AK8: variants seen among roughly 807,000 people sequenced by gnomAD.
AK8 encodes the protein adenylate kinase 8.
AK8 carries 44 observed loss-of-function variants against 54.6 expected under a neutral mutation model. The observed-to-expected ratio is 0.81, with a 90% CI of 0.63 to 1.04. The LOEUF is 1.04. AK8 is among the 50% of genes least tolerant of loss of function. The pLI, the probability that AK8 is intolerant of heterozygous loss-of-function variation, is 0.00. For missense variants in AK8, 555 were observed against 613.6 expected (o/e 0.90, Z 1.01); for synonymous variants, 239 against 245.6 (o/e 0.97, Z 0.25).
Position 132,772,987 on chromosome 9 carries a change from A to G in AK8, c.1121+19647T>C, listed in dbSNP as rs1372544612. 2.0e-5 allele frequency among the ~76,000 whole-genome samples: 3 copies of G among 151,976 alleles called. No individual in the cohort carries two copies. The East Asian group carries it at 5.8e-4, about 29-fold the overall frequency. On this transcript the variant is annotated intron_variant, in intron 11 of 12. Transcript: ENST00000298545. ...CCTGCCTACAGCCCTTTCTCCACCC[A>G]CTAGGTATCTTTTTACAACATCAGC...
At chr9:132,812,960 C>T (rs1841135850) in intron 10 of AK8, among the ~76,000 whole-genome samples, 1 of 140,830 alleles carries the variant, frequency 7.1e-6, no homozygotes, top group African/African-American at 2.8e-5. Context: ...CTACACAGAT[C>T]ACCTCATTCT....
intron 11 of AK8, among the ~76,000 whole-genome samples, chr9:132,761,873 CTTTT>C (rs1031915046): frequency 1.1e-4 from 17 of 149,772 alleles, no homozygotes; most frequent in Non-Finnish European, 2.1e-4. Flanking sequence ...CTCTCTCTCT[CTTTT>C]GTTTTCTTTA....
At chr9:132,736,609 C>T (rs544691826) in intron 11 of AK8, among the ~76,000 whole-genome samples, 47 of 151,280 alleles carry the variant, frequency 3.1e-4, no homozygotes, top group African/African-American at 1.1e-3. Flanking sequence ...CACAGTGAAA[C>T]CCCGTCTCTA....
chr9:132,756,169 G>T (rs920731919), intron 11 of AK8, among the ~76,000 whole-genome samples: 1 of 152,166 alleles, frequency 6.6e-6, no homozygotes, highest in Non-Finnish European at 1.5e-5. Context: ...ACTCTTCCTG[G>T]TGTACATAAA....
intron 10 of AK8, among the ~76,000 whole-genome samples, chr9:132,792,999 C>T (rs1022211192): frequency 1.3e-4 from 20 of 152,202 alleles, no homozygotes; most frequent in African/African-American, 4.1e-4. Context: ...ACCTTGACCT[C>T]GGTCTTTCCC....
chr9:132,814,940 A>C (rs1255040067), intron 9 of AK8, among the ~76,000 whole-genome samples: 1 of 152,254 alleles, frequency 6.6e-6, no homozygotes, highest in Non-Finnish European at 1.5e-5. Flanking sequence ...TGGAATGAAA[A>C]GGAATGCATT....
At chr9:132,759,004 G>A (rs1590206124) in intron 11 of AK8, among the ~76,000 whole-genome samples, 1 of 151,558 alleles carries the variant, frequency 6.6e-6, no homozygotes, top group African/African-American at 2.4e-5. Context: ...TCAAGACCAG[G>A]CTTGGCAAAA....
intron 5 of AK8, among the ~76,000 whole-genome samples, chr9:132,832,166 A>AC (rs887106113): frequency 6.6e-6 from 1 of 151,178 alleles, no homozygotes; most frequent in African/African-American, 2.4e-5. Flanking sequence ...AAAAAAAAAA[A>AC]ACCTAAACAA....
rs1840589694 is a variant in AK8 at position 132,803,953 on chromosome 9, A to G, written c.979+10685T>C. Reference sequence around the variant, plus strand: ...AAACCCCATCTCTACTAAAAATACAAAAATTAGCCGGGCGTGGTGGTGGGC... The same window carrying G: ...AAACCCCATCTCTACTAAAAATACAGAAATTAGCCGGGCGTGGTGGTGGGC... On this transcript the variant is annotated intron_variant, in intron 10 of 12. Transcript: ENST00000298545. This position sits in a 1 kb window ranked among gnomAD's most constrained non-coding sequence, Gnocchi z 4.4. Among the ~76,000 whole-genome samples the G allele has an allele frequency of 1.3e-5, 2 of 151,898 alleles. No homozygotes were observed. The highest frequency in any genetic ancestry group is 4.8e-5 in the African/African-American group (2 of 41,308).
chr9:132,783,789 G>A (rs1839576891), intron 11 of AK8, among the ~76,000 whole-genome samples: 2 of 152,018 alleles, frequency 1.3e-5, no homozygotes, highest in Non-Finnish European at 2.9e-5. Flanking sequence ...AAATGCCTAA[G>A]GGGAAAAGTA....
intron 11 of AK8, among the ~76,000 whole-genome samples, chr9:132,740,832 C>T (rs1237421923): frequency 6.6e-6 from 1 of 152,198 alleles, no homozygotes; most frequent in African/African-American, 2.4e-5. Context: ...GGGCTGCACT[C>T]CTCATCAGAT....
intron 10 of AK8, among the ~76,000 whole-genome samples, chr9:132,809,858 T>C (rs1238295355): frequency 2.0e-5 from 3 of 152,274 alleles, no homozygotes; most frequent in Non-Finnish European, 4.4e-5. Context: ...CTCAGCCAGC[T>C]GGGCTTATTC....
intron 10 of AK8, among the ~76,000 whole-genome samples, chr9:132,802,786 C>T (rs539169202): frequency 6.6e-6 from 1 of 152,320 alleles, no homozygotes. Flanking sequence ...CACCTAAGCC[C>T]AAGTCAGCAC....
intron 11 of AK8, among the ~76,000 whole-genome samples, chr9:132,768,722 AAC>A (rs1448009000): frequency 2.0e-5 from 3 of 152,208 alleles, no homozygotes; most frequent in Non-Finnish European, 2.9e-5. Flanking sequence ...AAAAACAGGA[AAC>A]ACATGTCTGC....
intron 11 of AK8, among the ~76,000 whole-genome samples, chr9:132,783,383 T>G (rs74981222): frequency 6.6e-6 from 1 of 152,074 alleles, no homozygotes; most frequent in Non-Finnish European, 1.5e-5. Flanking sequence ...TTGAAGACAA[T>G]AAATTTGTGT....
In AK8 at chr9:132,837,180, G is replaced by A. The variant is rs969018555; in HGVS notation, c.403-8454C>T. ...CTAAATATACAAAAATTATCTGGGC[G>A]TGGTGGCGGGCGCCTGTAATCCCAG... On this transcript the variant is annotated intron_variant, in intron 5 of 12. Coordinates refer to ENST00000298545, the MANE Select transcript of AK8 (RefSeq NM_152572.3). The surrounding 1 kb of genome is among the most constrained non-coding windows in gnomAD (Gnocchi z 4.3). 2.6e-5 allele frequency among the ~76,000 whole-genome samples: 4 copies of A among 152,224 alleles called. No individual in the cohort carries two copies. Among genetic ancestry groups the A allele is most frequent in the African/African-American group, 2.4e-5 (1 of 41,546 alleles).
chr9:132,737,924 C>T (rs2130962437), intron 11 of AK8, among the ~76,000 whole-genome samples: 1 of 152,354 alleles, frequency 6.6e-6, no homozygotes, highest in East Asian at 1.9e-4. Flanking sequence ...AAACACTCCA[C>T]CTCTGAGTAC....
chr9:132,818,150 C>T (rs1170074240), intron 9 of AK8, among the ~76,000 whole-genome samples: 3 of 152,136 alleles, frequency 2.0e-5, no homozygotes, highest in Non-Finnish European at 4.4e-5. Flanking sequence ...GAAATCATAT[C>T]ATTTTCAGGC....
intron 9 of AK8, among the ~76,000 whole-genome samples, chr9:132,822,544 G>A (rs1047068921): frequency 2.8e-4 from 43 of 152,000 alleles, no homozygotes; most frequent in African/African-American, 1.0e-3. Context: ...TGTGCGTAGG[G>A]GCAGTGCTTT....
Sources: allele counts gnomAD v4.1 joint callset (sites outside exome capture counted in the v4.1 genomes callset), GRCh38; gene constraint gnomAD v4.1.1; non-coding constraint Gnocchi (gnomAD v3.1); transcripts MANE v1.5; gene names NCBI Gene and HGNC (gene_info 2026-07-23, HGNC 2026-07-21).